PCDHGB4: variants seen among roughly 807,000 people sequenced by gnomAD.
The protein encoded by PCDHGB4 is protocadherin gamma subfamily B, 4.
In PCDHGB4, 38 loss-of-function variants were observed where a neutral mutation model predicts 60.5. That is an observed-to-expected ratio of 0.63 (90% confidence interval 0.48 to 0.82). The LOEUF is 0.82. Among genes scored for constraint, PCDHGB4 ranks in the 40% least tolerant of loss-of-function variants. The pLI is 0.00. For missense variants in PCDHGB4, 1,109 were observed against 1,209.6 expected (o/e 0.92, Z 1.23); for synonymous variants, 456 against 509.7 (o/e 0.89, Z 1.42).
intron 1 of PCDHGB4, chr5:141,405,303 G>C: frequency 1.2e-6 from 2 of 1,614,230 alleles, no homozygotes; most frequent in African/African-American, 1.3e-5. Context: ...AGCCAGCAGA[G>C]CTGTGAGAAA....
At chr5:141,403,444 G>A (rs2094408321) in intron 1 of PCDHGB4, 1 of 1,613,906 alleles carries the variant, frequency 6.2e-7, no homozygotes, top group African/African-American at 1.3e-5. Flanking sequence ...ATGTTGGCGT[G>A]AACTCCCTCC....
intron 1 of PCDHGB4, chr5:141,403,695 G>A (rs376074779): frequency 6.2e-7 from 1 of 1,613,780 alleles, no homozygotes; most frequent in Non-Finnish European, 8.5e-7. Flanking sequence ...CGGATTTACC[G>A]AGTTAAAGTC....
At position 141,485,704 on chromosome 5, in the gene PCDHGB4, CTT is replaced by C; in HGVS notation, c.2398-9101_2398-9100del. On this transcript the variant is annotated intron_variant, in intron 1 of 3. Coordinates refer to ENST00000519479, the MANE Select transcript of PCDHGB4 (RefSeq NM_003736.4). The surrounding 1 kb of genome is among the most constrained non-coding windows in gnomAD (Gnocchi z 5.7). ...GCTATAGGCTGAGCTCCAATGAACA[CTT>C]TGCACTGGATGTGAAGAAGCGCAGC... is the stretch of plus-strand genomic sequence containing the variant. 6.2e-7 allele frequency: 1 copy of C among 1,614,180 alleles called. No homozygotes were observed. The highest frequency in any genetic ancestry group is 8.5e-7 in the Non-Finnish European group (1 of 1,180,032).
At position 141,476,580 on chromosome 5, in the gene PCDHGB4, C is replaced by T. The variant is rs1463314107; in HGVS notation, c.2398-18227C>T. 6 of 1,614,126 alleles carry T rather than the reference C, an allele frequency of 3.7e-6. No homozygotes were observed. Among genetic ancestry groups the T allele is most frequent in the Non-Finnish European group, 5.1e-6 (6 of 1,180,052 alleles). The stretch of plus-strand genomic sequence containing the variant: ...GCCGTGGCTCCGGGGACGCGCTTTC[C>T]GCTCGAGAGCGCGCACGATCCCGAT... On this transcript the variant is annotated intron_variant, in intron 1 of 3. Transcript: ENST00000519479. This position sits in a 1 kb window ranked among gnomAD's most constrained non-coding sequence, Gnocchi z 7.6.
chr5:141,435,444 A>G (rs1471113812), intron 1 of PCDHGB4, among the ~76,000 whole-genome samples: 1 of 152,216 alleles, frequency 6.6e-6, no homozygotes, highest in East Asian at 1.9e-4. Flanking sequence ...TTTCATTAAT[A>G]CGATATCTGT....
At position 141,390,023 on chromosome 5, in the gene PCDHGB4, G is replaced by C. The variant is rs2092020127; in HGVS notation, c.2139G>C (p.Leu713=). ...TGATTCTGGCCATTGCCTTGCGCCT[G>C]CGACGCTCCTCCAGCCCCGCCTCCT... ...VAMILAIALR[L]RRSSSPASWS... Residue 713 remains leucine (L), a synonymous_variant, in exon 1 of 4, where the codon CTG becomes CTC. Transcript: ENST00000519479. The C allele has an allele frequency of 1.9e-6, 3 of 1,613,908 alleles. No individual in the cohort carries two copies. In the African/African-American group the frequency reaches 4.0e-5, roughly 22 times the overall value.
At chr5:141,459,075 G>T (rs562572838) in intron 1 of PCDHGB4, among the ~76,000 whole-genome samples, 1 of 152,134 alleles carries the variant, frequency 6.6e-6, no homozygotes, top group Non-Finnish European at 1.5e-5. Context: ...CATAAAATTT[G>T]CCTTTTAAAA....
intron 1 of PCDHGB4, chr5:141,410,641 T>G: frequency 6.3e-7 from 1 of 1,599,146 alleles, no homozygotes. Context: ...CTTTTTTGTG[T>G]GTGATTTATC....
chr5:141,414,134 A>G, intron 1 of PCDHGB4: 1 of 1,595,028 alleles, frequency 6.3e-7, no homozygotes, highest in Non-Finnish European at 8.5e-7. Flanking sequence ...GGTTTCTATG[A>G]AATAGAAATA....
At chr5:141,422,980 C>T in intron 1 of PCDHGB4, 1 of 1,614,232 alleles carries the variant, frequency 6.2e-7, no homozygotes, top group Middle Eastern at 1.7e-4. Flanking sequence ...CTCTGCGGAA[C>T]CTGGCTACCT....
At position 141,477,984 on chromosome 5, in the gene PCDHGB4, T is replaced by A; in HGVS notation, c.2398-16823T>A. On this transcript the variant is annotated intron_variant, in intron 1 of 3. Coordinates refer to ENST00000519479, the MANE Select transcript of PCDHGB4 (RefSeq NM_003736.4). This position sits in a 1 kb window ranked among gnomAD's most constrained non-coding sequence, Gnocchi z 4.9. ...AACCAGAGCCTTTTTGCCATAGGGC[T>A]GCACACTGGTCAAATCAGTACTGCC... 6.2e-7 allele frequency: 1 copy of A among 1,614,146 alleles called. No homozygotes were observed. The highest frequency in any genetic ancestry group is 8.5e-7 in the Non-Finnish European group (1 of 1,180,028).
At position 141,489,664 on chromosome 5, in the gene PCDHGB4, A is replaced by G. The variant is rs745597010; in HGVS notation, c.2398-5143A>G. On this transcript the variant is annotated intron_variant, in intron 1 of 3. Transcript: ENST00000519479. The surrounding 1 kb of genome is among the most constrained non-coding windows in gnomAD (Gnocchi z 4.5). ...TGCCACCCCTGAGCGAGAGATGCGCATCTCAGAATCAGCAGCATCTGGGGC... is the reference window on the plus strand; with the variant it reads ...TGCCACCCCTGAGCGAGAGATGCGCGTCTCAGAATCAGCAGCATCTGGGGC... 1 of 1,614,106 alleles carries G rather than the reference A, an allele frequency of 6.2e-7. No homozygotes were observed. The highest frequency in any genetic ancestry group is 8.5e-7 in the Non-Finnish European group (1 of 1,180,050).
At chr5:141,430,980 T>C in intron 1 of PCDHGB4, 1 of 1,613,618 alleles carries the variant, frequency 6.2e-7, no homozygotes, top group African/African-American at 1.3e-5. Context: ...AGGACGCAGC[T>C]TTTCGCCCTG....
At chr5:141,468,382 G>T (rs1247387630) in intron 1 of PCDHGB4, 1 of 151,194 alleles carries the variant, frequency 6.6e-6, no homozygotes, top group Non-Finnish European at 1.5e-5. Context: ...GCCATACAAG[G>T]CTACCCATTT....
At chr5:141,411,250 T>C (rs1009574489) in intron 1 of PCDHGB4, 1 of 152,156 alleles carries the variant, frequency 6.6e-6, no homozygotes, top group African/African-American at 2.4e-5. Context: ...ATTTACGATA[T>C]CTTATTTATA....
At chr5:141,455,755 T>C (rs1283272521) in intron 1 of PCDHGB4, among the ~76,000 whole-genome samples, 1 of 152,150 alleles carries the variant, frequency 6.6e-6, no homozygotes, top group Non-Finnish European at 1.5e-5. Flanking sequence ...CTGGCCTGGC[T>C]CCTAGAGCCG....
intron 1 of PCDHGB4, chr5:141,423,202 G>T: frequency 6.2e-7 from 1 of 1,613,618 alleles, no homozygotes; most frequent in Non-Finnish European, 8.5e-7. Flanking sequence ...CTCGGCCACC[G>T]TCACGCTCAC....
Position 141,502,485 on chromosome 5 carries a change from G to A in PCDHGB4, c.2457-2908G>A, listed in dbSNP as rs187600890. ...AATACTTCCCGCAGCATCACACTGG[G>A]ACTCATCTAACGTCGGCCTGTCCCA... On this transcript the variant is annotated intron_variant, in intron 2 of 3. Coordinates refer to ENST00000519479, the MANE Select transcript of PCDHGB4 (RefSeq NM_003736.4). 8.4e-3 allele frequency among the ~76,000 whole-genome samples: 1,276 copies of A among 152,270 alleles called. 22 individuals carry two copies. Among genetic ancestry groups the A allele is most frequent in the African/African-American group, 0.028 (1,151 of 41,542 alleles).
At chr5:141,407,534 A>T (rs72790039) in intron 1 of PCDHGB4, among the ~76,000 whole-genome samples, 1 of 149,478 alleles carries the variant, frequency 6.7e-6, no homozygotes, top group Non-Finnish European at 1.5e-5. Flanking sequence ...CTTATTGTGC[A>T]TTGGTAACAG....
Sources: gnomAD v4.1 joint callset for allele counts (sites outside exome capture counted in the v4.1 genomes callset) on GRCh38, gnomAD v4.1.1 for gene constraint, Gnocchi (gnomAD v3.1) non-coding constraint, MANE v1.5 for transcripts, NCBI Gene and HGNC (gene_info 2026-07-23, HGNC 2026-07-21) for gene names.